Variants in NPLOC4 observed in about 807,000 individuals in gnomAD.
NPLOC4 encodes NPL4 homolog, ubiquitin recognition factor.
Under a neutral mutation model 80.6 loss-of-function variants are expected in NPLOC4, and 18 were observed. That is an observed-to-expected ratio of 0.22 (90% CI 0.15 to 0.33). The LOEUF is 0.33. NPLOC4 is among the 10% of genes least tolerant of loss of function. The pLI is 1.00. For synonymous variants in NPLOC4, 313 were observed against 301.5 expected (o/e 1.04, Z -0.39); for missense variants, 540 against 786.1 (o/e 0.69, Z 3.74).
At chr17:81,578,651 G>A (rs2034362306) in intron 12 of NPLOC4, among the ~76,000 whole-genome samples, 1 of 152,158 alleles carries the variant, frequency 6.6e-6, no homozygotes, top group African/African-American at 2.4e-5. Flanking sequence ...CGAGCAAAGG[G>A]GGAAGAGCCC....
rs2035034037 is a variant in NPLOC4 at position 81,600,485 on chromosome 17, C to T, written c.835-58G>A. On this transcript the variant is annotated intron_variant, in intron 8 of 16. Coordinates refer to ENST00000331134, the MANE Select transcript of NPLOC4 (RefSeq NM_017921.4). The stretch of plus-strand genomic sequence containing the variant: ...GAGCAGAGGGCTCAGGAAGCAGCAC[C>T]CCAAGCCCTTCCACTTCCAGCTCTA... 5.9e-6 allele frequency: 8 copies of T among 1,361,032 alleles called. No homozygotes were observed. In the East Asian group the frequency reaches 1.7e-4, roughly 29 times the overall value. 84.3% of individuals were successfully genotyped at this position (1,361,032 alleles called of 1,614,324 possible).
chr17:81,597,152 G>T (rs1226321260), intron 10 of NPLOC4, 93 bp downstream of exon 10: 3 of 858,570 alleles, frequency 3.5e-6, no homozygotes, highest in Non-Finnish European at 5.8e-6. Flanking sequence ...CTGAAAGCTA[G>T]AACCAGCGGT....
chr17:81,569,186 A>G, intron 13 of NPLOC4, 75 bp from the exon 14 acceptor site: 1 of 941,094 alleles, frequency 1.1e-6, no homozygotes, highest in South Asian at 1.3e-5. Context: ...AGCCCAGAGC[A>G]TCTCCCAGAG....
In NPLOC4 at chr17:81,570,221, G is replaced by A. The variant is rs117902872; in HGVS notation, c.1354-1110C>T. On this transcript the variant is annotated intron_variant, in intron 13 of 16. Transcript: ENST00000331134. ...ATGAAGACTCGGGCCGCGGTGCCAC[G>A]TGTCGGCTACATGGCCTCGTCAGTT... Among the ~76,000 whole-genome samples, 586 of 152,360 alleles carry A rather than the reference G, an allele frequency of 3.8e-3. 1 individual carries two copies. The highest frequency in any genetic ancestry group is 0.037 in the Middle Eastern group (11 of 294).
At chr17:81,608,366 G>T (rs2035257685) in intron 6 of NPLOC4, among the ~76,000 whole-genome samples, 1 of 152,220 alleles carries the variant, frequency 6.6e-6, no homozygotes, top group Non-Finnish European at 1.5e-5. Flanking sequence ...ACTGCACTGT[G>T]GCCACGCAGC....
At chr17:81,564,824 T>A in intron 16 of NPLOC4, 1 of 145,092 alleles carries the variant, frequency 6.9e-6, no homozygotes, top group Non-Finnish European at 1.5e-5. Flanking sequence ...GGTATAAAGG[T>A]GTTTGATGTG....
At chr17:81,602,459 C>T (rs1010433236) in intron 8 of NPLOC4, among the ~76,000 whole-genome samples, 2 of 151,978 alleles carry the variant, frequency 1.3e-5, no homozygotes, top group South Asian at 4.1e-4. Flanking sequence ...AATCCCAACA[C>T]TTTGTGAGGC....
intron 12 of NPLOC4, among the ~76,000 whole-genome samples, chr17:81,579,804 G>T (rs879734115): frequency 1.3e-5 from 2 of 152,062 alleles, no homozygotes; most frequent in Non-Finnish European, 2.9e-5. Flanking sequence ...CCATACTGGT[G>T]ACTGTCCTTT....
chr17:81,565,895 C>T lies in NPLOC4; in HGVS notation c.1567-288G>A, dbSNP rs545764086. Among the ~76,000 whole-genome samples, 150 of 152,354 alleles carry T rather than the reference C, an allele frequency of 9.8e-4. 1 individual carries two copies. The highest frequency in any genetic ancestry group is 3.5e-3 in the South Asian group (17 of 4,830). The stretch of plus-strand genomic sequence containing the variant: ...CCGGAGGATAGGAGCTCATGCCTCT[C>T]GTCCTGGAGGCTGGGATGGAGGGCG... On this transcript the variant is annotated intron_variant, in intron 15 of 16. Coordinates refer to ENST00000331134, the MANE Select transcript of NPLOC4 (RefSeq NM_017921.4).
intron 1 of NPLOC4, among the ~76,000 whole-genome samples, chr17:81,634,503 T>C (rs1200277359): frequency 6.6e-6 from 1 of 151,998 alleles, no homozygotes; most frequent in Non-Finnish European, 1.5e-5. Context: ...TTATTTTAAC[T>C]CAGTTAAAAG....
intron 2 of NPLOC4, among the ~76,000 whole-genome samples, chr17:81,627,384 C>T (rs1290367539): frequency 1.4e-5 from 2 of 144,430 alleles, no homozygotes; most frequent in South Asian, 2.2e-4. Flanking sequence ...AGAAAGACTC[C>T]GTCTCAAAAA....
At chr17:81,588,407 C>A (rs1487356066) in intron 12 of NPLOC4, among the ~76,000 whole-genome samples, 2 of 152,162 alleles carry the variant, frequency 1.3e-5, no homozygotes, top group African/African-American at 4.8e-5. Flanking sequence ...TCACCCAGGC[C>A]TGTAGTGCAG....
At position 81,596,424 on chromosome 17, in the gene NPLOC4, A is replaced by G. The variant is rs1306594120; in HGVS notation, c.994-182T>C. ...AGAGTTCGAGACCAGCCTGGCCAAC[A>G]CACCAAAACCTGGTCTCTACTAAAA... On this transcript the variant is annotated intron_variant, in intron 10 of 16. Transcript: ENST00000331134. Among the ~76,000 whole-genome samples, 7 of 152,270 alleles carry G rather than the reference A, an allele frequency of 4.6e-5. No homozygotes were observed. The East Asian group carries it at 1.2e-3, about 25-fold the overall frequency.
intron 7 of NPLOC4, among the ~76,000 whole-genome samples, chr17:81,605,524 T>C (rs2035180202): frequency 6.6e-6 from 1 of 151,806 alleles, no homozygotes; most frequent in African/African-American, 2.4e-5. Flanking sequence ...GGCTCATGCC[T>C]GTAATCCCAG....
rs1021459069 is a variant in NPLOC4 at position 81,579,143 on chromosome 17, G to A, written c.1282-7055C>T. ...TAGTTCTAGCACTTTGGGAGGCAAG[G>A]CAGGTGGATTACTTAAGGTCAAGAG... On this transcript the variant is annotated intron_variant, in intron 12 of 16. Coordinates refer to ENST00000331134, the MANE Select transcript of NPLOC4 (RefSeq NM_017921.4). 2.6e-5 allele frequency among the ~76,000 whole-genome samples: 4 copies of A among 152,324 alleles called. No individual in the cohort carries two copies. In the East Asian group the frequency reaches 7.7e-4, roughly 29 times the overall value.
At chr17:81,594,598 AC>A (rs1466233315) in intron 11 of NPLOC4, among the ~76,000 whole-genome samples, 1 of 151,796 alleles carries the variant, frequency 6.6e-6, no homozygotes, top group Admixed American at 6.6e-5. Flanking sequence ...GCATGGTGAA[AC>A]CCCATCTCTA....
At chr17:81,574,782 G>A (rs1213408569) in intron 12 of NPLOC4, among the ~76,000 whole-genome samples, 1 of 152,172 alleles carries the variant, frequency 6.6e-6, no homozygotes, top group Non-Finnish European at 1.5e-5. Context: ...GGGAGGCCGA[G>A]GTGGGCAGAC....
chr17:81,612,673 T>A (rs2035371221), intron 4 of NPLOC4: 1 of 152,304 alleles, frequency 6.6e-6, no homozygotes, highest in East Asian at 1.9e-4. Context: ...CATGGCCAAG[T>A]ATAAACTCAG....
chr17:81,593,295 A>G (rs928529477), intron 11 of NPLOC4, among the ~76,000 whole-genome samples: 1 of 152,070 alleles, frequency 6.6e-6, no homozygotes, highest in Non-Finnish European at 1.5e-5. Context: ...GCCTCTCAGG[A>G]AGCCATGTTG....
Sources: gnomAD v4.1 joint callset for allele counts (sites outside exome capture counted in the v4.1 genomes callset) on GRCh38, gnomAD v4.1.1 for gene constraint, MANE v1.5 for transcripts, NCBI Gene and HGNC (gene_info 2026-07-23, HGNC 2026-07-21) for gene names.